KCNQ1OT1: variants seen among roughly 807,000 people sequenced by gnomAD.
The protein encoded by KCNQ1OT1 is KCNQ1 opposite strand/antisense transcript 1.
At chr11:2,692,100 C>T in exon 1 of KCNQ1OT1, 1 of 398,816 alleles carries the variant, frequency 2.5e-6, no homozygotes, top group Non-Finnish European at 4.4e-6. Flanking sequence ...ACCTCCTCTC[C>T]ACAGCCTCCA....
exon 1 of KCNQ1OT1, chr11:2,609,263 G>C: frequency 2.5e-6 from 1 of 398,106 alleles, no homozygotes; most frequent in East Asian, 3.6e-5. Flanking sequence ...CATTTCCCTT[G>C]TGAATTCTTT....
At position 2,664,723 on chromosome 11, in the gene KCNQ1OT1, G is replaced by C; in HGVS notation, n.35272C>G. The C allele has an allele frequency of 2.5e-6, 1 of 398,738 alleles. No individual in the cohort carries two copies. Among genetic ancestry groups the C allele is most frequent in the East Asian group, 3.6e-5 (1 of 28,086 alleles). 24.7% of individuals were successfully genotyped at this position (398,738 alleles called of 1,614,324 possible). A position where few individuals can be genotyped will look rare whatever the true frequency, so the allele number is the denominator to read the frequency against. On this transcript the variant is annotated non_coding_transcript_exon_variant, in exon 1 of 1. Transcript: ENST00000597346. This position sits in a 1 kb window ranked among gnomAD's most constrained non-coding sequence, Gnocchi z 5.1. ...AACTGGGAAGAGAGGCACACGCCCT[G>C]GTGTGTGTGAGGGACAGGGATGTGT...
exon 1 of KCNQ1OT1, chr11:2,697,850 G>A (rs892339311): frequency 7.3e-5 from 29 of 398,436 alleles, no homozygotes; most frequent in African/African-American, 6.0e-4. Context: ...TCTGAATTTG[G>A]ACATGCTCTG....
chr11:2,685,495 G>C, exon 1 of KCNQ1OT1: 1 of 398,858 alleles, frequency 2.5e-6, no homozygotes, highest in Non-Finnish European at 4.4e-6. Flanking sequence ...CCAGCAAGTT[G>C]CTCACATCCA....
exon 1 of KCNQ1OT1, chr11:2,615,693 C>A: frequency 2.5e-6 from 1 of 397,990 alleles, no homozygotes; most frequent in Non-Finnish European, 4.4e-6. Flanking sequence ...TTGATTGATA[C>A]TCTTGTACTG....
At position 2,679,860 on chromosome 11, in the gene KCNQ1OT1, A is replaced by G; in HGVS notation, n.20135T>C. On this transcript the variant is annotated non_coding_transcript_exon_variant, in exon 1 of 1. Transcript: ENST00000597346. This position sits in a 1 kb window ranked among gnomAD's most constrained non-coding sequence, Gnocchi z 4.8. Reference sequence around the variant, plus strand: ...ATTTTATAGGACATGCATTTTTTTCATATAAACTTAGAACTAGCACGCCTA... The same window carrying G: ...ATTTTATAGGACATGCATTTTTTTCGTATAAACTTAGAACTAGCACGCCTA... 1 of 398,468 alleles carries G rather than the reference A, an allele frequency of 2.5e-6. No individual in the cohort carries two copies. Among genetic ancestry groups the G allele is most frequent in the Non-Finnish European group, 4.4e-6 (1 of 226,026 alleles). The allele number at this position is 398,468 out of a possible 1,614,324, so 24.7% of individuals were successfully genotyped here.
Position 2,624,755 on chromosome 11 carries a change from G to A in KCNQ1OT1, n.75240C>T, listed in dbSNP as rs542014022. The A allele has an allele frequency of 7.8e-5, 31 of 398,036 alleles. No individual in the cohort carries two copies. In the South Asian group the frequency reaches 1.2e-3, roughly 15 times the overall value. The allele number at this position is 398,036 out of a possible 1,614,324, so 24.7% of individuals were successfully genotyped here. A position where few individuals can be genotyped will look rare whatever the true frequency, so the allele number is the denominator to read the frequency against. On this transcript the variant is annotated non_coding_transcript_exon_variant, in exon 1 of 1. Coordinates refer to ENST00000597346, the Ensembl canonical transcript of KCNQ1OT1. This position sits in a 1 kb window ranked among gnomAD's most constrained non-coding sequence, Gnocchi z 4.9. ...ATAATTCCCCAACCCCCCCACCACC[G>A]CCATCTCTTGGAAACCACCTTGTAC...
At chr11:2,629,637 T>A in exon 1 of KCNQ1OT1, 1 of 398,542 alleles carries the variant, frequency 2.5e-6, no homozygotes, top group Non-Finnish European at 4.4e-6. Flanking sequence ...AATCATGCGT[T>A]CATATATGAA....
chr11:2,635,595 T>C lies in KCNQ1OT1; in HGVS notation n.64400A>G, dbSNP rs567494590. The C allele has an allele frequency of 2.6e-5, 4 of 152,340 alleles. No homozygotes were observed. The East Asian group carries it at 5.8e-4, about 22-fold the overall frequency. 9.4% of individuals were successfully genotyped at this position (152,340 alleles called of 1,614,324 possible). ...TTTTGGTGACTGTAGCCTTGTAGTA[T>C]AGTTTGAAGTCAGGTAGCGTGATGC... On this transcript the variant is annotated non_coding_transcript_exon_variant, in exon 1 of 1. Coordinates refer to ENST00000597346, the Ensembl canonical transcript of KCNQ1OT1.
In KCNQ1OT1 at chr11:2,690,525, T is replaced by C; in HGVS notation, n.9470A>G. On this transcript the variant is annotated non_coding_transcript_exon_variant, in exon 1 of 1. Transcript: ENST00000597346. The surrounding 1 kb of genome is among the most constrained non-coding windows in gnomAD (Gnocchi z 5.1). ...GTCTCAGCACCTATCACAAAGAAAG[T>C]GCCACTGGGCCTAGGGAAGGACAAG... 1.0e-5 allele frequency: 4 copies of C among 398,456 alleles called. No individual in the cohort carries two copies. The highest frequency in any genetic ancestry group is 2.1e-5 in the African/African-American group (1 of 48,670). 24.7% of individuals were successfully genotyped at this position (398,456 alleles called of 1,614,324 possible).
chr11:2,627,911 C>G lies in KCNQ1OT1; in HGVS notation n.72084G>C. On this transcript the variant is annotated non_coding_transcript_exon_variant, in exon 1 of 1. Coordinates refer to ENST00000597346, the Ensembl canonical transcript of KCNQ1OT1. The surrounding 1 kb of genome is among the most constrained non-coding windows in gnomAD (Gnocchi z 4.9). ...GACCACAGTCATGCACCCCCATGCC[C>G]AGCTAATTTTTAAAATTTTATGTAG... 1 of 398,528 alleles carries G rather than the reference C, an allele frequency of 2.5e-6. No individual in the cohort carries two copies. Among genetic ancestry groups the G allele is most frequent in the South Asian group, 1.3e-4 (1 of 7,836 alleles). The allele number at this position is 398,528 out of a possible 1,614,324, so 24.7% of individuals were successfully genotyped here. A position where few individuals can be genotyped will look rare whatever the true frequency, so the allele number is the denominator to read the frequency against.
rs1173779980 is a variant in KCNQ1OT1 at position 2,683,559 on chromosome 11, A to G, written n.16436T>C. 2.5e-6 allele frequency: 1 copy of G among 398,564 alleles called. No individual in the cohort carries two copies. Among genetic ancestry groups the G allele is most frequent in the South Asian group, 1.3e-4 (1 of 7,868 alleles). The allele number at this position is 398,564 out of a possible 1,614,324, so 24.7% of individuals were successfully genotyped here. ...AAAAAAGAGGTAGAAGCCCCTACCT[A>G]CTGACTGGCATCACAAACACTGCCC... On this transcript the variant is annotated non_coding_transcript_exon_variant, in exon 1 of 1. Coordinates refer to ENST00000597346, the Ensembl canonical transcript of KCNQ1OT1. This position sits in a 1 kb window ranked among gnomAD's most constrained non-coding sequence, Gnocchi z 4.7.
Position 2,661,280 on chromosome 11 carries a change from G to T in KCNQ1OT1, n.38715C>A. On this transcript the variant is annotated non_coding_transcript_exon_variant, in exon 1 of 1. Coordinates refer to ENST00000597346, the Ensembl canonical transcript of KCNQ1OT1. This position sits in a 1 kb window ranked among gnomAD's most constrained non-coding sequence, Gnocchi z 5.9. Reference sequence around the variant, plus strand: ...TTAAATGAAGACAAATATAAGCCAAGAGCAAATACTGATAGTGTCAACAGA... The same window carrying T: ...TTAAATGAAGACAAATATAAGCCAATAGCAAATACTGATAGTGTCAACAGA... 1 of 399,752 alleles carries T rather than the reference G, an allele frequency of 2.5e-6. No homozygotes were observed. Among genetic ancestry groups the T allele is most frequent in the Non-Finnish European group, 4.4e-6 (1 of 226,894 alleles). 24.8% of individuals were successfully genotyped at this position (399,752 alleles called of 1,614,324 possible). A position where few individuals can be genotyped will look rare whatever the true frequency, so the allele number is the denominator to read the frequency against.
rs1407128713 is a variant in KCNQ1OT1 at position 2,681,199 on chromosome 11, T to G, written n.18796A>C. Reference sequence around the variant, plus strand: ...GGTTTGGAAAAAGTCATTTTTGCAGTGTTTGTGTTCTATGAAGAGTGGGTA... The same window carrying G: ...GGTTTGGAAAAAGTCATTTTTGCAGGGTTTGTGTTCTATGAAGAGTGGGTA... On this transcript the variant is annotated non_coding_transcript_exon_variant, in exon 1 of 1. Transcript: ENST00000597346. 8 of 398,460 alleles carry G rather than the reference T, an allele frequency of 2.0e-5. No individual in the cohort carries two copies. In the Admixed American group the frequency reaches 2.2e-4, roughly 11 times the overall value. 24.7% of individuals were successfully genotyped at this position (398,460 alleles called of 1,614,324 possible). A position where few individuals can be genotyped will look rare whatever the true frequency, so the allele number is the denominator to read the frequency against.
At position 2,658,213 on chromosome 11, in the gene KCNQ1OT1, A is replaced by G; in HGVS notation, n.41782T>C. 2.5e-6 allele frequency: 1 copy of G among 398,614 alleles called. No individual in the cohort carries two copies. The highest frequency in any genetic ancestry group is 4.4e-6 in the Non-Finnish European group (1 of 226,044). 24.7% of individuals were successfully genotyped at this position (398,614 alleles called of 1,614,324 possible). On this transcript the variant is annotated non_coding_transcript_exon_variant, in exon 1 of 1. Transcript: ENST00000597346. This position sits in a 1 kb window ranked among gnomAD's most constrained non-coding sequence, Gnocchi z 4.9. ...GTTTCACTAACTAATTTCAGCATTC[A>G]TTCATGGATCGTTTTCCTGCAGCAA...
At position 2,642,118 on chromosome 11, in the gene KCNQ1OT1, C is replaced by T. The variant is rs1159570337; in HGVS notation, n.57877G>A. 1 of 398,230 alleles carries T rather than the reference C, an allele frequency of 2.5e-6. No individual in the cohort carries two copies. 24.7% of individuals were successfully genotyped at this position (398,230 alleles called of 1,614,324 possible). ...TGGCTATTCCAGCTCTTTTTTGGTT[C>T]CATCTGAATTTTAGGATTTTTTCTA... On this transcript the variant is annotated non_coding_transcript_exon_variant, in exon 1 of 1. Coordinates refer to ENST00000597346, the Ensembl canonical transcript of KCNQ1OT1. This position sits in a 1 kb window ranked among gnomAD's most constrained non-coding sequence, Gnocchi z 4.3.
At chr11:2,672,849 T>C (rs1850211310) in exon 1 of KCNQ1OT1, 1 of 398,678 alleles carries the variant, frequency 2.5e-6, no homozygotes, top group African/African-American at 2.1e-5. Flanking sequence ...CCTGGGCATT[T>C]TCTTGAGTGT....
At chr11:2,609,531 T>C (rs913845118) in exon 1 of KCNQ1OT1, 1 of 398,354 alleles carries the variant, frequency 2.5e-6, no homozygotes, top group Admixed American at 4.4e-5. Context: ...TAATTACCTT[T>C]TGAGTCTAGT....
Position 2,670,590 on chromosome 11 carries a change from C to T in KCNQ1OT1, n.29405G>A. ...GGAGATAGGAGCAGAAGCCAGGGCT[C>T]ATTCCCAGACACACAATCTCTGGGG... is the stretch of plus-strand genomic sequence containing the variant. On this transcript the variant is annotated non_coding_transcript_exon_variant, in exon 1 of 1. Transcript: ENST00000597346. The surrounding 1 kb of genome is among the most constrained non-coding windows in gnomAD (Gnocchi z 4.9). 1 of 398,310 alleles carries T rather than the reference C, an allele frequency of 2.5e-6. No homozygotes were observed. Among genetic ancestry groups the T allele is most frequent in the Non-Finnish European group, 4.4e-6 (1 of 226,028 alleles). 24.7% of individuals were successfully genotyped at this position (398,310 alleles called of 1,614,324 possible).
Sources: allele counts gnomAD v4.1 joint callset, GRCh38; gene constraint gnomAD v4.1.1; non-coding constraint Gnocchi (gnomAD v3.1); transcripts MANE v1.5; gene names NCBI Gene and HGNC (gene_info 2026-07-23, HGNC 2026-07-21).